Variants in JAM3 observed in about 807,000 individuals in gnomAD.
JAM3 encodes the protein junctional adhesion molecule 3, also known as junctional adhesion molecule C.
JAM3 carries 31 observed loss-of-function variants against 39.4 expected under a neutral mutation model. The ratio of observed to expected loss-of-function variants is 0.79; its 90% CI spans 0.59 to 1.06. The LOEUF is 1.06. Ranked by LOEUF, JAM3 falls within the 50% of genes least tolerant of loss-of-function variation. JAM3 has a pLI of 0.00. For synonymous variants in JAM3, 182 were observed against 148.7 expected (o/e 1.22, Z -1.63); for missense variants, 455 against 391.4 (o/e 1.16, Z -1.37).
chr11:134,128,820 G>C (rs563088503), intron 1 of JAM3, among the ~76,000 whole-genome samples: 1 of 152,224 alleles, frequency 6.6e-6, no homozygotes, highest in South Asian at 2.1e-4. Flanking sequence ...TGTGAAAATG[G>C]ACTAATATAT....
intron 1 of JAM3, among the ~76,000 whole-genome samples, chr11:134,114,860 A>T (rs1942391589): frequency 6.6e-6 from 1 of 152,230 alleles, no homozygotes; most frequent in African/African-American, 2.4e-5. Flanking sequence ...GAAGTAGGTC[A>T]AGTTAGTCGA....
chr11:134,112,466 A>G (rs1266180026), intron 1 of JAM3, among the ~76,000 whole-genome samples: 1 of 152,266 alleles, frequency 6.6e-6, no homozygotes, highest in Non-Finnish European at 1.5e-5. Flanking sequence ...ATCTAAATGA[A>G]ACTACTATGT....
chr11:134,145,939 GA>G lies in JAM3; in HGVS notation c.613-4del. 6.3e-7 allele frequency: 1 copy of G among 1,598,496 alleles called. No homozygotes were observed. Among genetic ancestry groups the G allele is most frequent in the Non-Finnish European group, 8.6e-7 (1 of 1,165,792 alleles). ...TCCGATTATTTACTTGTCATTCCCT[GA>G]AACAGGTGTTCACTGCTGTTCACAA... On this transcript the variant is annotated splice_region_variant and splice_polypyrimidine_tract_variant and intron_variant, in intron 5 of 8. Transcript: ENST00000299106.
At chr11:134,116,445 G>A (rs1396510472) in intron 1 of JAM3, among the ~76,000 whole-genome samples, 2 of 152,116 alleles carry the variant, frequency 1.3e-5, no homozygotes, top group East Asian at 1.9e-4. Context: ...GGATTTATGG[G>A]TATTGTATTC....
intron 1 of JAM3, among the ~76,000 whole-genome samples, chr11:134,119,938 G>C (rs905583423): frequency 6.6e-6 from 1 of 152,164 alleles, no homozygotes; most frequent in East Asian, 1.9e-4. Context: ...TCAGCTGGCT[G>C]TGCTCTTGTC....
intron 1 of JAM3, among the ~76,000 whole-genome samples, chr11:134,092,093 T>G (rs956255695): frequency 1.3e-5 from 2 of 152,196 alleles, no homozygotes; most frequent in Non-Finnish European, 2.9e-5. Flanking sequence ...TTGCTCTTGG[T>G]GCAAAGCCGA....
chr11:134,109,842 T>A (rs1182440104), intron 1 of JAM3, among the ~76,000 whole-genome samples: 1 of 152,222 alleles, frequency 6.6e-6, no homozygotes, highest in Non-Finnish European at 1.5e-5. Flanking sequence ...AGTAGCTACC[T>A]GGGGAGATAC....
In JAM3 at chr11:134,138,592, C is replaced by T. The variant is rs77286364; in HGVS notation, c.77-1259C>T. On this transcript the variant is annotated intron_variant, in intron 1 of 8. Coordinates refer to ENST00000299106, the MANE Select transcript of JAM3 (RefSeq NM_032801.5). ...CATTCTTTACTAGTGCATCACTGGG[C>T]GCTTTCATTTTGAAGGAGAAGTAGA... 3.2e-3 allele frequency among the ~76,000 whole-genome samples: 482 copies of T among 152,322 alleles called. 8 individuals are homozygous for T. Among genetic ancestry groups the T allele is most frequent in the Admixed American group, 0.026 (404 of 15,292 alleles).
chr11:134,139,036 G>A (rs1223774070), intron 1 of JAM3, among the ~76,000 whole-genome samples: 2 of 152,116 alleles, frequency 1.3e-5, no homozygotes, highest in Non-Finnish European at 2.9e-5. Context: ...CTTTGGGGAT[G>A]GCATGTTTTA....
At chr11:134,138,639 T>G (rs1942917534) in intron 1 of JAM3, among the ~76,000 whole-genome samples, 1 of 152,234 alleles carries the variant, frequency 6.6e-6, no homozygotes, top group African/African-American at 2.4e-5. Flanking sequence ...ATGCATGGTA[T>G]GTATTTCTGG....
At chr11:134,099,687 A>G (rs1056850961) in intron 1 of JAM3, among the ~76,000 whole-genome samples, 1 of 151,962 alleles carries the variant, frequency 6.6e-6, no homozygotes, top group African/African-American at 2.4e-5. Context: ...GGTCACTGCA[A>G]CCTCCACCTC....
At chr11:134,129,060 C>T (rs772543043) in intron 1 of JAM3, among the ~76,000 whole-genome samples, 1 of 151,726 alleles carries the variant, frequency 6.6e-6, no homozygotes, top group African/African-American at 2.4e-5. Flanking sequence ...TGACTGCCTT[C>T]TTGCTGTGTC....
chr11:134,148,961 C>CAT, intron 8 of JAM3, 143 bp downstream of exon 8: 3 of 498,732 alleles, frequency 6.0e-6, no homozygotes, highest in Non-Finnish European at 9.9e-6. Flanking sequence ...CAGTAACACA[C>CAT]ACACACACAC....
intron 1 of JAM3, among the ~76,000 whole-genome samples, chr11:134,078,855 A>G (rs1941617295): frequency 6.6e-6 from 1 of 152,182 alleles, no homozygotes; most frequent in South Asian, 2.1e-4. Context: ...CCTGACCAAC[A>G]TGGAGAAACC....
At chr11:134,083,807 A>G (rs1040036563) in intron 1 of JAM3, among the ~76,000 whole-genome samples, 2 of 152,148 alleles carry the variant, frequency 1.3e-5, no homozygotes, top group African/African-American at 2.4e-5. Context: ...TGCTTGGGGT[A>G]AAACCTCAGT....
At chr11:134,115,689 C>G (rs866462381) in intron 1 of JAM3, among the ~76,000 whole-genome samples, 1 of 151,740 alleles carries the variant, frequency 6.6e-6, no homozygotes, top group African/African-American at 2.4e-5. Context: ...ATTACTTGAG[C>G]CCAGGAGTTT....
At chr11:134,142,843 GGATA>G (rs1312305999) in intron 3 of JAM3, among the ~76,000 whole-genome samples, 1 of 152,096 alleles carries the variant, frequency 6.6e-6, no homozygotes, top group Non-Finnish European at 1.5e-5. Context: ...TCTGGACACT[GGATA>G]GAAACTGTGG....
chr11:134,132,781 G>A (rs940857826), intron 1 of JAM3, among the ~76,000 whole-genome samples: 12 of 152,280 alleles, frequency 7.9e-5, no homozygotes, highest in Admixed American at 2.0e-4. Context: ...TAAAACTCAC[G>A]AGAATGTCTG....
intron 3 of JAM3, among the ~76,000 whole-genome samples, chr11:134,141,725 C>T (rs991358681): frequency 9.9e-5 from 15 of 151,890 alleles, no homozygotes; most frequent in Admixed American, 3.9e-4. Context: ...GAGAGAGACT[C>T]GAGGGGAGGC....
Sources: gnomAD v4.1 joint callset for allele counts (sites outside exome capture counted in the v4.1 genomes callset) on GRCh38, gnomAD v4.1.1 for gene constraint, MANE v1.5 for transcripts, NCBI Gene and HGNC (gene_info 2026-07-23, HGNC 2026-07-21) for gene names.